Variants in RELN observed in about 807,000 individuals in gnomAD.
RELN encodes the protein reelin.
In RELN, 108 loss-of-function variants were observed where a neutral mutation model predicts 427.6. The observed-to-expected ratio is 0.25, with a 90% CI of 0.22 to 0.30. The LOEUF (loss-of-function observed/expected upper bound fraction) is 0.30, where lower values mean the gene tolerates loss of function less well. Among genes scored for constraint, RELN ranks in the 10% least tolerant of loss-of-function variants. The pLI, the probability that RELN is intolerant of heterozygous loss-of-function variation, is 1.00. For synonymous variants in RELN, 1,524 were observed against 1,513.4 expected, an observed-to-expected ratio of 1.01 and a Z score of -0.16; for missense variants, 3,715 against 4,302.8, an observed-to-expected ratio of 0.86 and a Z score of 3.82.
rs1290900424 is a variant in RELN, at chr7:103,553,657, T to C, written c.5969+3A>G. 1 of 1,613,934 alleles carries C rather than the reference T, an allele frequency of 6.2e-7. No homozygotes were observed. ...GTTTTATTTTTAGATTCTTAATACT[T>C]ACGGTGCCCCCTTTGAAGAATATGG... is the stretch of plus-strand genomic sequence containing the variant. On this transcript the variant is annotated splice_donor_region_variant and intron_variant, in intron 39 of 64. Transcript: ENST00000428762.
intron 3 of RELN, among the ~76,000 whole-genome samples, chr7:103,818,090 C>T (rs262361): frequency 0.51 from 77,205 of 151,632 alleles, 19,922 homozygotes; most frequent in Admixed American, 0.6. Flanking sequence ...TATCTTATGA[C>T]ACCTTACAAA....
At position 103,604,450 on chromosome 7, in the gene RELN, G is replaced by T. The variant is rs1295751935; in HGVS notation, c.3042C>A (p.Ser1014Arg). Residue 1014 changes from serine (S) to arginine (R), a missense_variant, in exon 23 of 65, where the codon AGC becomes AGA. Coordinates refer to ENST00000428762, the MANE Select transcript of RELN (RefSeq NM_005045.4). ...CCCACTCGTCTTGAGCTGTGTAATAGCTCTGGCTCCAGCGGAAACGGGTAG... is the reference window on the plus strand; with the variant it reads ...CCCACTCGTCTTGAGCTGTGTAATATCTCTGGCTCCAGCGGAAACGGGTAG... Reference protein sequence around the residue: ...SSATRFRWSQSYYTAQDEWAL... With the variant: ...SSATRFRWSQRYYTAQDEWAL... The T allele has an allele frequency of 6.2e-7, 1 of 1,613,836 alleles. No homozygotes were observed. Among genetic ancestry groups the T allele is most frequent in the Non-Finnish European group, 8.5e-7 (1 of 1,179,888 alleles).
At chr7:103,586,775 C>T (rs1831282811) in intron 28 of RELN, among the ~76,000 whole-genome samples, 1 of 152,048 alleles carries the variant, frequency 6.6e-6, no homozygotes, top group South Asian at 2.1e-4. Flanking sequence ...GAATTCAATC[C>T]CATTGACAAT....
At chr7:103,796,753 C>T (rs888894662) in intron 3 of RELN, among the ~76,000 whole-genome samples, 1 of 151,368 alleles carries the variant, frequency 6.6e-6, no homozygotes, top group African/African-American at 2.4e-5. Context: ...CCTAGCTACT[C>T]GGGAGGTTGA....
rs140449064 is a variant in RELN, at chr7:103,644,909, C to T, written c.2003-4300G>A. Among the ~76,000 whole-genome samples the T allele has an allele frequency of 2.9e-3, 444 of 151,676 alleles. 4 individuals are homozygous for T. The Middle Eastern group carries it at 0.041, about 14-fold the overall frequency. On this transcript the variant is annotated intron_variant, in intron 16 of 64. Coordinates refer to ENST00000428762, the MANE Select transcript of RELN (RefSeq NM_005045.4). ...TATCTAATTATCTGTAAAGAAAATT[C>T]CATCAGACTAACAGTGGAATTCTTA...
intron 8 of RELN, among the ~76,000 whole-genome samples, chr7:103,718,144 A>G (rs1013825143): frequency 6.6e-5 from 10 of 151,988 alleles, no homozygotes; most frequent in Non-Finnish European, 1.5e-4. Context: ...TCCAGTTTTT[A>G]TTTTTCAAAA....
In RELN at chr7:103,539,296, G is replaced by A. The variant is rs116065504; in HGVS notation, c.6962C>T (p.Thr2321Met). The change falls in exon 45 of 65, where the codon ACG becomes ATG. Residue 2321 changes from threonine (T) to methionine (M), a missense_variant. Transcript: ENST00000428762. ...ILIGGNISGN[T>M]VLEDDFTTLD... ...GGTTGTGAAATCATCTTCCAAGACC[G>A]TATTACCAGAAATATTTCCTCCAAT... 254 of 1,613,876 alleles carry A rather than the reference G, an allele frequency of 1.6e-4. 1 individual carries two copies. In the East Asian group the frequency reaches 3.9e-3, roughly 25 times the overall value.
intron 13 of RELN, 135 bp from the exon 14 acceptor site, chr7:103,652,894 G>C: frequency 1.3e-6 from 1 of 764,090 alleles, no homozygotes. Flanking sequence ...CCTTTGTGTT[G>C]CATTTGTTAT....
intron 1 of RELN, among the ~76,000 whole-genome samples, chr7:103,977,895 A>G (rs1444401875): frequency 6.6e-6 from 1 of 152,172 alleles, no homozygotes; most frequent in Non-Finnish European, 1.5e-5. Context: ...AGTTGGGTCA[A>G]TTTTCCAAGG....
At chr7:103,978,638 G>A (rs531526993) in intron 1 of RELN, among the ~76,000 whole-genome samples, 12 of 152,268 alleles carry the variant, frequency 7.9e-5, no homozygotes, top group African/African-American at 2.4e-4. Context: ...AATAATTGAG[G>A]TGAATCTGAT....
intron 16 of RELN, among the ~76,000 whole-genome samples, chr7:103,642,531 C>G (rs1194992112): frequency 6.6e-6 from 1 of 151,962 alleles, no homozygotes; most frequent in Non-Finnish European, 1.5e-5. Flanking sequence ...CCTTGCTAAC[C>G]ATGTGCATTC....
chr7:103,597,909 G>C (rs1831575427), intron 24 of RELN, among the ~76,000 whole-genome samples: 1 of 152,192 alleles, frequency 6.6e-6, no homozygotes, highest in Non-Finnish European at 1.5e-5. Context: ...GCTTATGAAA[G>C]TCTTCCACCT....
chr7:103,561,457 A>G, intron 36 of RELN, 75 bp downstream of exon 36: 1 of 1,126,360 alleles, frequency 8.9e-7, no homozygotes, highest in Non-Finnish European at 1.4e-6. Context: ...TCAGAAATCC[A>G]TTTGTGTTGA....
intron 53 of RELN, among the ~76,000 whole-genome samples, chr7:103,498,475 T>C (rs1828912008): frequency 1.3e-5 from 2 of 148,846 alleles, no homozygotes; most frequent in Admixed American, 1.3e-4. Context: ...AAATTTAAAA[T>C]AATTGTAAAG....
intron 2 of RELN, among the ~76,000 whole-genome samples, chr7:103,862,409 T>TTCTTTCTATCTA (rs1554432465): frequency 6.9e-6 from 1 of 144,734 alleles, no homozygotes; most frequent in Non-Finnish European, 1.5e-5. Flanking sequence ...TATGCTTTTG[T>TTCTTTCTATCTA]TCTATCTATC....
At chr7:103,484,385 G>T (rs528887787) in intron 61 of RELN, 15 of 161,638 alleles carry the variant, frequency 9.3e-5, no homozygotes, top group Admixed American at 3.4e-4. Context: ...CCCTGTTGGG[G>T]ATGGTCATCC....
At chr7:103,942,422 G>C (rs577794686) in intron 1 of RELN, among the ~76,000 whole-genome samples, 2 of 152,074 alleles carry the variant, frequency 1.3e-5, no homozygotes, top group Non-Finnish European at 2.9e-5. Flanking sequence ...TATTTACTTA[G>C]CATAATGAGA....
intron 42 of RELN, 132 bp from the exon 43 acceptor site, chr7:103,543,010 T>C (rs766121165): frequency 1.2e-4 from 116 of 968,556 alleles, no homozygotes; most frequent in Admixed American, 5.0e-4. Flanking sequence ...AGTCATGTTT[T>C]AGGATAAGAG....
intron 10 of RELN, among the ~76,000 whole-genome samples, chr7:103,693,012 C>T (rs561235703): frequency 4.6e-5 from 7 of 152,148 alleles, no homozygotes; most frequent in Non-Finnish European, 8.8e-5. Flanking sequence ...GTATTTGTGA[C>T]GCTGGAGCAC....
Sources: allele counts gnomAD v4.1 joint callset (sites outside exome capture counted in the v4.1 genomes callset), GRCh38; gene constraint gnomAD v4.1.1; transcripts MANE v1.5; gene names NCBI Gene and HGNC (gene_info 2026-07-23, HGNC 2026-07-21).